DLC1: variants seen among roughly 807,000 people sequenced by gnomAD.
DLC1 encodes DLC1 Rho GTPase activating protein, also known as rho GTPase-activating protein 7.
In DLC1, 54 loss-of-function variants were observed where a neutral mutation model predicts 140.3. That is an observed-to-expected ratio of 0.38 (90% CI 0.31 to 0.48). DLC1 has a LOEUF of 0.48. DLC1 is among the 20% of genes least tolerant of loss of function. DLC1 has a pLI of 0.96. For missense variants in DLC1, 2,536 were observed against 1,907.0 expected, an observed-to-expected ratio of 1.33 and a Z score of -6.14; for synonymous variants, 986 against 728.1, an observed-to-expected ratio of 1.35 and a Z score of -5.70.
At chr8:13,324,374 C>G (rs1222038438) in intron 4 of DLC1, among the ~76,000 whole-genome samples, 1 of 53,740 alleles carries the variant, frequency 1.9e-5, no homozygotes. Context: ...CGAGACCATC[C>G]TGGTTAATAC....
At chr8:13,265,512 G>T (rs139565866) in intron 5 of DLC1, among the ~76,000 whole-genome samples, 2 of 152,094 alleles carry the variant, frequency 1.3e-5, no homozygotes, top group African/African-American at 4.8e-5. Flanking sequence ...TCTGTGAACT[G>T]GCCTCACAAG....
chr8:13,244,297 A>ATTT (rs60357765), intron 5 of DLC1, among the ~76,000 whole-genome samples: 2 of 135,978 alleles, frequency 1.5e-5, no homozygotes, highest in Admixed American at 7.4e-5. Flanking sequence ...TCCCTTTCCA[A>ATTT]TTTTTTTTTT....
rs2117053554 is a variant in DLC1, at chr8:13,467,796, A to G, written c.1023+31253T>C. Among the ~76,000 whole-genome samples, 4 of 152,240 alleles carry G rather than the reference A, an allele frequency of 2.6e-5. No homozygotes were observed. In the South Asian group the frequency reaches 8.3e-4, roughly 32 times the overall value. ...TACTTTTTCTGCATCTCTTCATATGATCATAAATTTTTTTCTCCTTTCATC... is the reference window on the plus strand; with the variant it reads ...TACTTTTTCTGCATCTCTTCATATGGTCATAAATTTTTTTCTCCTTTCATC... On this transcript the variant is annotated intron_variant, in intron 2 of 17. Coordinates refer to ENST00000276297, the MANE Select transcript of DLC1 (RefSeq NM_182643.3).
At chr8:13,238,667 G>GCT (rs1829403267) in intron 5 of DLC1, among the ~76,000 whole-genome samples, 1 of 152,130 alleles carries the variant, frequency 6.6e-6, no homozygotes, top group East Asian at 1.9e-4. Flanking sequence ...CTGAGGATCA[G>GCT]CCTAGATTTC....
chr8:13,544,134 A>G (rs1371595520), intron 1 of DLC1, among the ~76,000 whole-genome samples: 1 of 152,094 alleles, frequency 6.6e-6, no homozygotes, highest in East Asian at 1.9e-4. Flanking sequence ...ATAGTAAACA[A>G]TGCACATAAA....
chr8:13,092,023 G>A (rs1818118618), intron 13 of DLC1, among the ~76,000 whole-genome samples: 1 of 152,168 alleles, frequency 6.6e-6, no homozygotes, highest in Non-Finnish European at 1.5e-5. Flanking sequence ...AAGCCGGGTG[G>A]ATCATAAGGT....
chr8:13,182,262 C>T (rs756531240), intron 5 of DLC1, among the ~76,000 whole-genome samples: 34 of 151,858 alleles, frequency 2.2e-4, no homozygotes, highest in Middle Eastern at 3.4e-3. Context: ...TTCTCTTATT[C>T]TGTAGGTTGC....
chr8:13,352,748 GT>G (rs546935051), intron 4 of DLC1, among the ~76,000 whole-genome samples: 1 of 152,048 alleles, frequency 6.6e-6, no homozygotes, highest in African/African-American at 2.4e-5. Flanking sequence ...ATAATACACT[GT>G]TTTTTTGGAG....
At chr8:13,429,855 A>T (rs1267755506) in intron 2 of DLC1, among the ~76,000 whole-genome samples, 3 of 152,232 alleles carry the variant, frequency 2.0e-5, no homozygotes, top group African/African-American at 7.2e-5. Flanking sequence ...GCATACTTTA[A>T]TGTAGTTACT....
At chr8:13,299,922 G>A (rs1044040638) in intron 5 of DLC1, among the ~76,000 whole-genome samples, 2 of 152,062 alleles carry the variant, frequency 1.3e-5, no homozygotes, top group Admixed American at 6.5e-5. Context: ...GTCAGCAATC[G>A]CATTACTGGG....
At chr8:13,407,210 G>T (rs948694603) in intron 2 of DLC1, among the ~76,000 whole-genome samples, 3 of 152,228 alleles carry the variant, frequency 2.0e-5, no homozygotes, top group Non-Finnish European at 4.4e-5. Context: ...GAGCTATTTA[G>T]TTCCTGGGCA....
intron 1 of DLC1, among the ~76,000 whole-genome samples, chr8:13,570,389 C>A (rs2117411308): frequency 6.7e-6 from 1 of 149,196 alleles, no homozygotes; most frequent in East Asian, 2.0e-4. Flanking sequence ...TGGTGCGCTG[C>A]ACCCACTAAC....
chr8:13,318,099 C>T (rs961042191), intron 4 of DLC1, among the ~76,000 whole-genome samples: 1 of 152,116 alleles, frequency 6.6e-6, no homozygotes, highest in Non-Finnish European at 1.5e-5. Context: ...ATGATCATAG[C>T]TCACTGTAAC....
intron 2 of DLC1, among the ~76,000 whole-genome samples, chr8:13,456,158 G>A (rs567513539): frequency 5.3e-5 from 8 of 152,272 alleles, no homozygotes; most frequent in Admixed American, 3.3e-4. Flanking sequence ...GGGGTCCATG[G>A]ATCCCTAATA....
chr8:13,272,479 TTAA>T (rs1830976477), intron 5 of DLC1, among the ~76,000 whole-genome samples: 1 of 152,096 alleles, frequency 6.6e-6, no homozygotes, highest in South Asian at 2.1e-4. Flanking sequence ...AGACTAGTAT[TTAA>T]TTTCTTTCAG....
intron 1 of DLC1, among the ~76,000 whole-genome samples, chr8:13,595,074 G>A (rs1007281331): frequency 4.0e-5 from 6 of 151,626 alleles, no homozygotes; most frequent in Non-Finnish European, 8.8e-5. Flanking sequence ...TCTTCAGATC[G>A]CCAGAGAATC....
At chr8:13,273,792 A>G (rs1008734161) in intron 5 of DLC1, among the ~76,000 whole-genome samples, 3 of 150,780 alleles carry the variant, frequency 2.0e-5, no homozygotes, top group African/African-American at 7.3e-5. Flanking sequence ...GAGAGAATGA[A>G]TAAGAATATA....
At chr8:13,180,157 A>T (rs1425819372) in intron 5 of DLC1, among the ~76,000 whole-genome samples, 1 of 152,172 alleles carries the variant, frequency 6.6e-6, no homozygotes, top group Non-Finnish European at 1.5e-5. Context: ...GTTCCCATCA[A>T]AGGAAGCAGA....
chr8:13,399,318 C>T (rs1223524768), intron 3 of DLC1, among the ~76,000 whole-genome samples: 1 of 152,132 alleles, frequency 6.6e-6, no homozygotes, highest in African/African-American at 2.4e-5. Context: ...TCTAATGTAG[C>T]AGAATGAGCA....
Sources: allele counts gnomAD v4.1 joint callset (sites outside exome capture counted in the v4.1 genomes callset), GRCh38; gene constraint gnomAD v4.1.1; transcripts MANE v1.5; gene names NCBI Gene and HGNC (gene_info 2026-07-23, HGNC 2026-07-21).